OR4F15: variants seen among roughly 807,000 people sequenced by gnomAD.
The protein encoded by OR4F15 is olfactory receptor family 4 subfamily F member 15, also known as olfactory receptor 4F15.
OR4F15 carries 7 observed loss-of-function variants against 11.9 expected under a neutral mutation model. That is an observed-to-expected ratio of 0.59 (90% CI 0.33 to 1.10). The LOEUF is 1.10. Among genes scored for constraint, OR4F15 ranks in the 50% least tolerant of loss-of-function variants. The pLI is 0.03. For synonymous variants in OR4F15, 151 were observed against 134.6 expected (o/e 1.12, Z -0.84); for missense variants, 445 against 377.5 (o/e 1.18, Z -1.48).
Position 101,818,358 on chromosome 15 carries a change from C to G in OR4F15, c.172C>G (p.Pro58Ala). ...AACCATGGATGCTCATCTGCACTCC[C>G]CCATGTATTTCCTCCTGGCTAACCT... The part of the protein sequence containing the change: ...TVTMDAHLHS[P>A]MYFLLANLSI... Residue 58 changes from proline to alanine, a missense_variant, in exon 2 of 2, where the codon CCC becomes GCC. Pro to Ala is a conservative substitution (Grantham distance 27, BLOSUM62 -1). Coordinates refer to ENST00000332238, the MANE Select transcript of OR4F15 (RefSeq NM_001001674.2). 1.9e-6 allele frequency: 3 copies of G among 1,614,114 alleles called. No individual in the cohort carries two copies. The East Asian group carries it at 6.7e-5, about 36-fold the overall frequency.
chr15:101,815,323 G>A (rs1902970047), intron 1 of OR4F15, among the ~76,000 whole-genome samples: 1 of 152,084 alleles, frequency 6.6e-6, no homozygotes, highest in Admixed American at 6.6e-5. Context: ...GAGTGAATAA[G>A]CCAACAAATC....
rs1903025534 is a variant in OR4F15, at chr15:101,818,213, A to G, written c.27A>G (p.Val9=). 6.2e-7 allele frequency: 1 copy of G among 1,612,142 alleles called. No individual in the cohort carries two copies. The highest frequency in any genetic ancestry group is 8.5e-7 in the Non-Finnish European group (1 of 1,178,636). Residue 9 remains valine, a synonymous_variant, in exon 2 of 2, where the codon GTA becomes GTG. Transcript: ENST00000332238. The part of the protein sequence containing the change: MNGMNHSV[V]SEFVFMGLTN... ...TGAATGGAATGAATCACTCTGTGGT[A>G]TCAGAATTTGTATTCATGGGACTCA... is the stretch of plus-strand genomic sequence containing the variant.
In OR4F15 at chr15:101,818,503, C is replaced by T. The variant is rs1401743459; in HGVS notation, c.317C>T (p.Ala106Val). 6.2e-7 allele frequency: 1 copy of T among 1,614,112 alleles called. No homozygotes were observed. The highest frequency in any genetic ancestry group is 8.5e-7 in the Non-Finnish European group (1 of 1,180,000). Residue 106 changes from alanine (A) to valine (V), a missense_variant, in exon 2 of 2, where the codon GCT (alanine) becomes GTT (valine). Coordinates refer to ENST00000332238, the MANE Select transcript of OR4F15 (RefSeq NM_001001674.2). ...ATTACTCAGATCTTCTTTAGCCATG[C>T]TCTTGGGGGCACTGAGATGGTGCTG... Reference protein sequence around the residue: ...GCITQIFFSHALGGTEMVLLI... With the variant: ...GCITQIFFSHVLGGTEMVLLI...
At chr15:101,814,629 A>G (rs1165546973) in intron 1 of OR4F15, among the ~76,000 whole-genome samples, 1 of 152,164 alleles carries the variant, frequency 6.6e-6, no homozygotes, top group Non-Finnish European at 1.5e-5. Context: ...CTTCCCCTTT[A>G]TCACAATTTT....
intron 1 of OR4F15, among the ~76,000 whole-genome samples, chr15:101,816,697 A>G (rs1902994581): frequency 6.6e-6 from 1 of 152,184 alleles, no homozygotes; most frequent in Non-Finnish European, 1.5e-5. Flanking sequence ...ATTATTTATA[A>G]AACATAAATG....
chr15:101,818,452 A>G lies in OR4F15; in HGVS notation c.266A>G (p.His89Arg). Residue 89 changes from histidine to arginine, a missense_variant, in exon 2 of 2, where the codon CAC (histidine) becomes CGC (arginine). Coordinates refer to ENST00000332238, the MANE Select transcript of OR4F15 (RefSeq NM_001001674.2). ...PKMICDIFKK[H>R]KAISFRGCIT... ...ATGATTTGTGATATTTTCAAGAAGC[A>G]CAAGGCCATCTCCTTTCGGGGATGT... 1 of 1,614,162 alleles carries G rather than the reference A, an allele frequency of 6.2e-7. No homozygotes were observed. The highest frequency in any genetic ancestry group is 8.5e-7 in the Non-Finnish European group (1 of 1,180,018).
At chr15:101,816,487 C>CGT (rs35269954) in intron 1 of OR4F15, among the ~76,000 whole-genome samples, 15,935 of 148,874 alleles carry the variant, frequency 0.11, 946 homozygotes, top group Middle Eastern at 0.16. Context: ...AAGAATATAA[C>CGT]GTGTGTGTGT....
rs201625205 is a variant in OR4F15 at position 101,818,894 on chromosome 15, C to T, written c.708C>T (p.Ala236=). Residue 236 remains alanine, a synonymous_variant, in exon 2 of 2, where the codon GCC becomes GCT. Coordinates refer to ENST00000332238, the MANE Select transcript of OR4F15 (RefSeq NM_001001674.2). ...WKHSSGGLAK[A]LSTLSAHVTV... Reference sequence around the variant, plus strand: ...ATTCTTCTGGTGGTCTAGCCAAGGCCCTCTCTACCCTGTCAGCTCATGTCA... The same window carrying T: ...ATTCTTCTGGTGGTCTAGCCAAGGCTCTCTCTACCCTGTCAGCTCATGTCA... 7 of 1,614,108 alleles carry T rather than the reference C, an allele frequency of 4.3e-6. No homozygotes were observed. Among genetic ancestry groups the T allele is most frequent in the Middle Eastern group, 1.6e-4 (1 of 6,062 alleles).
chr15:101,816,038 G>C (rs1041311219), intron 1 of OR4F15, among the ~76,000 whole-genome samples: 1 of 152,118 alleles, frequency 6.6e-6, no homozygotes, highest in African/African-American at 2.4e-5. Flanking sequence ...ATTACTTTAA[G>C]ATTTTCCTTT....
rs1245582978 is a variant in OR4F15, at chr15:101,815,000, G to A, written c.-38+2728G>A. 3.3e-5 allele frequency among the ~76,000 whole-genome samples: 5 copies of A among 152,086 alleles called. No homozygotes were observed. The South Asian group carries it at 6.2e-4, about 19-fold the overall frequency. On this transcript the variant is annotated intron_variant, in intron 1 of 1. Coordinates refer to ENST00000332238, the MANE Select transcript of OR4F15 (RefSeq NM_001001674.2). ...TTTTTATTATTCCTACTTCATGGAAGCCTTAATAGCATCTTTGCTAGAAGG... is the reference window on the plus strand; with the variant it reads ...TTTTTATTATTCCTACTTCATGGAAACCTTAATAGCATCTTTGCTAGAAGG...
At position 101,818,978 on chromosome 15, in the gene OR4F15, A is replaced by G; in HGVS notation, c.792A>G (p.Thr264=). The part of the protein sequence containing the change: ...LMFFYTWPSP[T]SHLDKYLAIF... Reference sequence around the variant, plus strand: ...TTTTCTACACATGGCCTTCTCCCACATCACACCTGGATAAATATCTTGCTA... The same window carrying G: ...TTTTCTACACATGGCCTTCTCCCACGTCACACCTGGATAAATATCTTGCTA... The change falls in exon 2 of 2, where the codon ACA becomes ACG. Residue 264 remains threonine, a synonymous_variant. Transcript: ENST00000332238. 2 of 1,614,108 alleles carry G rather than the reference A, an allele frequency of 1.2e-6. No homozygotes were observed. Among genetic ancestry groups the G allele is most frequent in the Non-Finnish European group, 8.5e-7 (1 of 1,180,010 alleles).
chr15:101,816,952 G>T (rs991724327), intron 1 of OR4F15, among the ~76,000 whole-genome samples: 1 of 151,816 alleles, frequency 6.6e-6, no homozygotes, highest in Non-Finnish European at 1.5e-5. Context: ...CCTTTTATTC[G>T]CTCCAAATGT....
At position 101,818,279 on chromosome 15, in the gene OR4F15, T is replaced by C. The variant is rs749833612; in HGVS notation, c.93T>C (p.Ser31=). The change falls in exon 2 of 2, where the codon TCT becomes TCC. Residue 31 remains serine, a synonymous_variant. Transcript: ENST00000332238. ...REIQLLLFVF[S]LLFYFASMMG... Reference sequence around the variant, plus strand: ...TTCAGCTTCTACTTTTTGTTTTCTCTTTGTTGTTCTACTTTGCGAGCATGA... The same window carrying C: ...TTCAGCTTCTACTTTTTGTTTTCTCCTTGTTGTTCTACTTTGCGAGCATGA... The C allele has an allele frequency of 5.5e-5, 88 of 1,614,010 alleles. No homozygotes were observed. The highest frequency in any genetic ancestry group is 7.3e-5 in the Non-Finnish European group (86 of 1,179,958).
chr15:101,818,729 C>T lies in OR4F15; in HGVS notation c.543C>T (p.Leu181=), dbSNP rs571938866. 6.2e-6 allele frequency: 10 copies of T among 1,614,144 alleles called. No individual in the cohort carries two copies. In the Admixed American group the frequency reaches 1.5e-4, roughly 24 times the overall value. ...TCTTTGACAGTTTTTACTGTGATCTCCCTCGGCTCCTCAGACTTGCCTGTA... is the reference window on the plus strand; with the variant it reads ...TCTTTGACAGTTTTTACTGTGATCTTCCTCGGCTCCTCAGACTTGCCTGTA... ...PNIFDSFYCD[L]PRLLRLACTN... Residue 181 remains leucine, a synonymous_variant, in exon 2 of 2, where the codon CTC becomes CTT. Transcript: ENST00000332238.
chr15:101,819,119 T>C lies in OR4F15; in HGVS notation c.933T>C (p.Ile311=). 1 of 1,594,056 alleles carries C rather than the reference T, an allele frequency of 6.3e-7. No individual in the cohort carries two copies. Among genetic ancestry groups the C allele is most frequent in the Non-Finnish European group, 8.6e-7 (1 of 1,167,434 alleles). Residue 311 remains isoleucine, a synonymous_variant, in exon 2 of 2, where the codon ATT becomes ATC. Transcript: ENST00000332238. ...LCSRLAHFTK[I]L is the part of the protein sequence containing the mutation. ...GTCGTCTTGCGCATTTTACAAAGATTTTGTAAATGGCTTGGCTGTCAAGAT... is the reference window on the plus strand; with the variant it reads ...GTCGTCTTGCGCATTTTACAAAGATCTTGTAAATGGCTTGGCTGTCAAGAT...
intron 1 of OR4F15, among the ~76,000 whole-genome samples, chr15:101,815,097 A>G (rs890015789): frequency 3.9e-5 from 6 of 152,150 alleles, no homozygotes; most frequent in African/African-American, 1.4e-4. Flanking sequence ...AGTGTTTGTC[A>G]GTTTATAGTT....
chr15:101,819,185 A>G lies in OR4F15; in HGVS notation c.*60A>G, dbSNP rs1903060188. 2 of 1,141,304 alleles carry G rather than the reference A, an allele frequency of 1.8e-6. No individual in the cohort carries two copies. The highest frequency in any genetic ancestry group is 3.1e-5 in the African/African-American group (2 of 63,748). 70.7% of individuals were successfully genotyped at this position (1,141,304 alleles called of 1,614,324 possible). On this transcript the variant is annotated 3_prime_UTR_variant, in exon 2 of 2. Transcript: ENST00000332238. ...ACTCCTCATGCTGATTGCATAAAAG[A>G]AACTGCAATTTCAGAGAAATACTGA...
chr15:101,814,625 C>T (rs561727210), intron 1 of OR4F15, among the ~76,000 whole-genome samples: 1 of 152,264 alleles, frequency 6.6e-6, no homozygotes, highest in African/African-American at 2.4e-5. Context: ...ATTTCTTCCC[C>T]TTTATCACAA....
At chr15:101,818,076 A>G (rs1903021407) in intron 1 of OR4F15, 74 bp from the exon 2 acceptor site, 1 of 749,842 alleles carries the variant, frequency 1.3e-6, no homozygotes, top group East Asian at 2.5e-5. Flanking sequence ...AGTTATTTTC[A>G]TGGCTGGAGG....
Sources: allele counts gnomAD v4.1 joint callset (sites outside exome capture counted in the v4.1 genomes callset), GRCh38; gene constraint gnomAD v4.1.1; transcripts MANE v1.5; gene names NCBI Gene and HGNC (gene_info 2026-07-23, HGNC 2026-07-21).